Variants in HRH1 observed in about 807,000 individuals in gnomAD.
HRH1 encodes the protein histamine H1 receptor.
Under a neutral mutation model 10.3 loss-of-function variants are expected in HRH1, and 6 were observed. That is an observed-to-expected ratio of 0.58 (90% CI 0.32 to 1.15). The LOEUF (loss-of-function observed/expected upper bound fraction) is 1.15. Among genes scored for constraint, HRH1 ranks in the 50% most tolerant of loss-of-function variants. The pLI is 0.05. For synonymous variants in HRH1, 242 were observed against 236.7 expected (o/e 1.02, Z -0.21); for missense variants, 514 against 615.3 (o/e 0.84, Z 1.74).
chr3:11,147,133 A>T (rs1026765740), intron 1 of HRH1, among the ~76,000 whole-genome samples: 2 of 152,198 alleles, frequency 1.3e-5, no homozygotes, highest in Non-Finnish European at 2.9e-5. Context: ...AAATTTGACC[A>T]CAGTCCCACT....
chr3:11,243,155 C>A (rs1939394464), intron 1 of HRH1, among the ~76,000 whole-genome samples: 1 of 152,192 alleles, frequency 6.6e-6, no homozygotes, highest in Non-Finnish European at 1.5e-5. Context: ...CTCAGGCAAT[C>A]CACCTGCTTT....
Position 11,259,553 on chromosome 3 carries a change from C to G in HRH1, c.516C>G (p.Thr172=), listed in dbSNP as rs140401655. 6 of 1,613,996 alleles carry G rather than the reference C, an allele frequency of 3.7e-6. No individual in the cohort carries two copies. The African/African-American group carries it at 6.7e-5, about 18-fold the overall frequency. The change falls in exon 2 of 2, where the codon ACC becomes ACG. Residue 172 remains threonine, a synonymous_variant. Coordinates refer to ENST00000431010, the MANE Select transcript of HRH1 (RefSeq NM_001098212.2). The surrounding 1 kb of genome is among the most constrained non-coding windows in gnomAD (Gnocchi z 4.6). The part of the protein sequence containing the change: ...ILGWNHFMQQ[T]SVRREDKCET... ...GCTGGAATCACTTCATGCAGCAGACCTCGGTGCGCCGAGAGGACAAGTGTG... is the reference window on the plus strand; with the variant it reads ...GCTGGAATCACTTCATGCAGCAGACGTCGGTGCGCCGAGAGGACAAGTGTG...
intron 1 of HRH1, among the ~76,000 whole-genome samples, chr3:11,209,983 A>G (rs1198483772): frequency 3.9e-5 from 6 of 152,240 alleles, no homozygotes; most frequent in African/African-American, 1.4e-4. Context: ...GATCGCATCA[A>G]ATGCAGTTGT....
At chr3:11,238,697 C>G (rs2133432) in intron 1 of HRH1, among the ~76,000 whole-genome samples, 2,129 of 152,290 alleles carry the variant, frequency 0.014, 58 homozygotes, top group African/African-American at 0.046. Flanking sequence ...CCTGTCCCCC[C>G]CTCCACTACC....
At chr3:11,207,412 T>A (rs934019257) in intron 1 of HRH1, among the ~76,000 whole-genome samples, 10 of 151,280 alleles carry the variant, frequency 6.6e-5, no homozygotes, top group African/African-American at 2.2e-4. Context: ...AAAAAAAAAA[T>A]ACAAAAAATT....
chr3:11,232,991 A>T (rs1325558457), intron 1 of HRH1, among the ~76,000 whole-genome samples: 1 of 152,084 alleles, frequency 6.6e-6, no homozygotes, highest in African/African-American at 2.4e-5. Flanking sequence ...ATCTGCTATC[A>T]TTCTCATTAT....
At chr3:11,161,279 T>A (rs963662176) in intron 1 of HRH1, among the ~76,000 whole-genome samples, 3 of 152,274 alleles carry the variant, frequency 2.0e-5, no homozygotes, top group African/African-American at 7.2e-5. Flanking sequence ...CTGCTTTCTC[T>A]TCTTTTTTCA....
In HRH1 at chr3:11,196,125, C is replaced by T. The variant is rs377766152; in HGVS notation, c.-36+41571C>T. Among the ~76,000 whole-genome samples the T allele has an allele frequency of 3.9e-5, 6 of 152,172 alleles. No homozygotes were observed. In the South Asian group the frequency reaches 1.0e-3, roughly 26 times the overall value. On this transcript the variant is annotated intron_variant, in intron 1 of 1. Transcript: ENST00000431010. ...GTATTCCCTCCTCCCTCTTAAAGCT[C>T]CTCGGTGCCCCTGGTGTTCTTAGGC...
intron 1 of HRH1, among the ~76,000 whole-genome samples, chr3:11,176,394 C>G (rs1049500180): frequency 3.3e-5 from 5 of 152,154 alleles, no homozygotes; most frequent in African/African-American, 1.2e-4. Flanking sequence ...AAAACTCCCC[C>G]TCCCACTATT....
At chr3:11,256,070 C>T (rs995129951) in intron 1 of HRH1, among the ~76,000 whole-genome samples, 3 of 152,044 alleles carry the variant, frequency 2.0e-5, no homozygotes, top group Non-Finnish European at 2.9e-5. Context: ...GAGTGTTGTC[C>T]TCATAGGAGG....
intron 1 of HRH1, among the ~76,000 whole-genome samples, chr3:11,229,640 G>A (rs957196839): frequency 2.6e-5 from 4 of 151,996 alleles, no homozygotes; most frequent in Admixed American, 1.3e-4. Context: ...CATATAAGAT[G>A]GGTTTTTAAC....
chr3:11,172,620 G>A (rs1248600960), intron 1 of HRH1, among the ~76,000 whole-genome samples: 1 of 152,042 alleles, frequency 6.6e-6, no homozygotes, highest in African/African-American at 2.4e-5. Flanking sequence ...GACCTGCTAA[G>A]GGACTCAGGA....
intron 1 of HRH1, among the ~76,000 whole-genome samples, chr3:11,257,864 G>A (rs1939823075): frequency 6.6e-6 from 1 of 152,080 alleles, no homozygotes; most frequent in African/African-American, 2.4e-5. Flanking sequence ...TGCCCAGGCT[G>A]CAAGTCTTGG....
intron 1 of HRH1, among the ~76,000 whole-genome samples, chr3:11,227,085 C>G (rs1938907609): frequency 6.6e-6 from 1 of 152,008 alleles, no homozygotes; most frequent in South Asian, 2.1e-4. Context: ...AAACCAGGAG[C>G]AGAAAGACCA....
At chr3:11,153,618 A>C (rs28364806), upstream of HRH1, among the ~76,000 whole-genome samples, 1 of 151,962 alleles carries the variant, frequency 6.6e-6, no homozygotes, top group African/African-American at 2.4e-5. Context: ...CAAAGGTTCA[A>C]ATGGAGTTTT....
intron 1 of HRH1, chr3:11,234,621 A>G (rs1939127822): frequency 1.4e-6 from 2 of 1,429,452 alleles, no homozygotes; most frequent in African/African-American, 1.4e-5. Flanking sequence ...TTGGAGTTTC[A>G]TGGTCTTCTT....
intron 1 of HRH1, among the ~76,000 whole-genome samples, chr3:11,216,225 A>C (rs1452327156): frequency 3.9e-5 from 6 of 152,162 alleles, no homozygotes; most frequent in Non-Finnish European, 8.8e-5. Context: ...CTCCTCAAAA[A>C]ATTAAACATA....
At chr3:11,247,176 GC>G (rs1447381267) in intron 1 of HRH1, among the ~76,000 whole-genome samples, 2 of 151,902 alleles carry the variant, frequency 1.3e-5, no homozygotes, top group Non-Finnish European at 2.9e-5. Context: ...TACAAAATTG[GC>G]CAGGTGTGGT....
intron 1 of HRH1, among the ~76,000 whole-genome samples, chr3:11,177,173 G>A (rs1312293368): frequency 6.6e-6 from 1 of 151,978 alleles, no homozygotes; most frequent in Non-Finnish European, 1.5e-5. Context: ...GGCCAAGTAA[G>A]GTGGGAGGAT....
Sources: allele counts gnomAD v4.1 joint callset (sites outside exome capture counted in the v4.1 genomes callset), GRCh38; gene constraint gnomAD v4.1.1; non-coding constraint Gnocchi (gnomAD v3.1); transcripts MANE v1.5; gene names NCBI Gene and HGNC (gene_info 2026-07-23, HGNC 2026-07-21).